The following CHSY3 variants were observed in gnomAD, a reference collection of about 807,000 sequenced individuals.
CHSY3 encodes the protein chondroitin sulfate synthase 3, also known as N-acetylgalactosaminyl-proteoglycan 3-beta-glucuronosyltransferase 3.
Under a neutral mutation model 67.2 loss-of-function variants are expected in CHSY3, and 35 were observed. The ratio of observed to expected loss-of-function variants is 0.52; its 90% CI spans 0.40 to 0.69. The LOEUF (loss-of-function observed/expected upper bound fraction) is 0.69, where lower values mean the gene tolerates loss of function less well. Ranked by LOEUF, CHSY3 falls within the 30% of genes least tolerant of loss-of-function variation. CHSY3 has a pLI of 0.00. For missense variants in CHSY3, 1,069 were observed against 1,138.5 expected (o/e 0.94, Z 0.88); for synonymous variants, 474 against 434.7 (o/e 1.09, Z -1.12).
At chr5:129,942,880 T>A (rs1761740197) in intron 2 of CHSY3, among the ~76,000 whole-genome samples, 1 of 152,194 alleles carries the variant, frequency 6.6e-6, no homozygotes, top group Non-Finnish European at 1.5e-5. Context: ...TGAGAATAGC[T>A]TTTATTGACT....
intron 2 of CHSY3, among the ~76,000 whole-genome samples, chr5:129,921,947 A>G (rs776575243): frequency 3.3e-5 from 5 of 152,064 alleles, no homozygotes; most frequent in Admixed American, 6.5e-5. Flanking sequence ...TACTCATTCT[A>G]TCTAACTGTA....
chr5:130,072,283 G>T (rs1387854337), intron 2 of CHSY3, among the ~76,000 whole-genome samples: 1 of 152,000 alleles, frequency 6.6e-6, no homozygotes, highest in East Asian at 1.9e-4. Context: ...TACAGTTTCA[G>T]GTCTTACATT....
intron 2 of CHSY3, among the ~76,000 whole-genome samples, chr5:130,014,109 C>A (rs1232091653): frequency 6.6e-6 from 1 of 152,218 alleles, no homozygotes; most frequent in Non-Finnish European, 1.5e-5. Flanking sequence ...CATCTGAGAA[C>A]ACCTCAACTT....
At chr5:130,098,423 C>A (rs1239226544) in intron 2 of CHSY3, among the ~76,000 whole-genome samples, 1 of 152,166 alleles carries the variant, frequency 6.6e-6, no homozygotes, top group African/African-American at 2.4e-5. Context: ...CTTGGTTTGG[C>A]TTCAGTGCCT....
At chr5:129,996,116 A>G (rs1279935781) in intron 2 of CHSY3, among the ~76,000 whole-genome samples, 1 of 152,204 alleles carries the variant, frequency 6.6e-6, no homozygotes, top group African/African-American at 2.4e-5. Context: ...CATCTTAAAA[A>G]TGGGGTAATA....
intron 2 of CHSY3, among the ~76,000 whole-genome samples, chr5:130,150,056 T>C (rs1769189728): frequency 6.6e-6 from 1 of 152,200 alleles, no homozygotes; most frequent in African/African-American, 2.4e-5. Flanking sequence ...ATCAGGGGTG[T>C]ATTTTGACAA....
intron 2 of CHSY3, among the ~76,000 whole-genome samples, chr5:130,011,938 A>G (rs1034945013): frequency 1.3e-5 from 2 of 152,206 alleles, no homozygotes; most frequent in Admixed American, 6.5e-5. Context: ...AGAATTACAA[A>G]ACACTGTCCA....
intron 2 of CHSY3, among the ~76,000 whole-genome samples, chr5:130,133,780 AAAAAAAAAAAAAAAAG>A (rs1383050768): frequency 1.6e-5 from 2 of 126,244 alleles, no homozygotes; most frequent in Middle Eastern, 4.0e-3. Flanking sequence ...TTAAAAAAAA[AAAAAAAAAAAAAAAAG>A]AAAAAAAAAA....
chr5:130,115,115 C>G (rs1217258500), intron 2 of CHSY3, among the ~76,000 whole-genome samples: 1 of 150,786 alleles, frequency 6.6e-6, no homozygotes, highest in Non-Finnish European at 1.5e-5. Flanking sequence ...AATTTTATTT[C>G]TTTTCTCAAA....
rs1308258241 is a variant in CHSY3, at chr5:130,184,852, T to G, written c.1710T>G (p.Pro570=). The G allele has an allele frequency of 6.2e-7, 1 of 1,605,902 alleles. No homozygotes were observed. Among genetic ancestry groups the G allele is most frequent in the Non-Finnish European group, 8.5e-7 (1 of 1,172,508 alleles). ...HAYLQQLFSK[P]FFRETEELDV... is the part of the protein sequence containing the mutation. ...ATCTTCAGCAGTTGTTCAGCAAGCCTTTCTTCAGAGAGACCGAAGAGCTAG... is the reference window on the plus strand; with the variant it reads ...ATCTTCAGCAGTTGTTCAGCAAGCCGTTCTTCAGAGAGACCGAAGAGCTAG... Residue 570 remains proline, a synonymous_variant, in exon 3 of 3, where the codon CCT becomes CCG. Coordinates refer to ENST00000305031, the MANE Select transcript of CHSY3 (RefSeq NM_175856.5).
intron 2 of CHSY3, among the ~76,000 whole-genome samples, chr5:130,145,355 A>G (rs781277091): frequency 1.3e-5 from 2 of 152,208 alleles, no homozygotes; most frequent in Admixed American, 1.3e-4. Flanking sequence ...AAGAGATAGT[A>G]TCTTCAATAA....
intron 2 of CHSY3, among the ~76,000 whole-genome samples, chr5:129,971,305 A>G (rs1762634346): frequency 6.6e-6 from 1 of 151,820 alleles, no homozygotes; most frequent in Non-Finnish European, 1.5e-5. Context: ...TTATTTTAAG[A>G]CAGATGCTGT....
chr5:129,910,779 T>A (rs1760511516), intron 2 of CHSY3, among the ~76,000 whole-genome samples: 3 of 151,998 alleles, frequency 2.0e-5, no homozygotes, highest in African/African-American at 7.2e-5. Context: ...TATGATACTG[T>A]TCATATTATA....
At position 130,176,601 on chromosome 5, in the gene CHSY3, CATCAGTG is replaced by C. The variant is rs569993382; in HGVS notation, c.1087-7625_1087-7619del. Among the ~76,000 whole-genome samples, 307 of 152,240 alleles carry C rather than the reference CATCAGTG, an allele frequency of 2.0e-3. 2 individuals carry two copies. The highest frequency in any genetic ancestry group is 6.9e-3 in the African/African-American group (285 of 41,540). On this transcript the variant is annotated intron_variant, in intron 2 of 2. Coordinates refer to ENST00000305031, the MANE Select transcript of CHSY3 (RefSeq NM_175856.5). ...GAGACTTGGAACCAACCCAAATGCC[CATCAGTG>C]ATAGACTAGATAAAGAAAATGTCAC...
intron 2 of CHSY3, among the ~76,000 whole-genome samples, chr5:129,951,045 C>T (rs1259929027): frequency 6.6e-6 from 1 of 152,100 alleles, no homozygotes; most frequent in Non-Finnish European, 1.5e-5. Flanking sequence ...AAAGCATACA[C>T]AAAGACCAAT....
At chr5:130,100,688 A>G (rs116692618) in intron 2 of CHSY3, among the ~76,000 whole-genome samples, 1,893 of 152,274 alleles carry the variant, frequency 0.012, 45 homozygotes, top group African/African-American at 0.042. Flanking sequence ...CGTGAATTCT[A>G]TCATTTAATC....
chr5:130,002,418 G>C (rs1002154309), intron 2 of CHSY3, among the ~76,000 whole-genome samples: 2 of 152,070 alleles, frequency 1.3e-5, no homozygotes, highest in African/African-American at 4.8e-5. Flanking sequence ...GCAGCACTTG[G>C]AGGCCTTATA....
intron 2 of CHSY3, among the ~76,000 whole-genome samples, chr5:130,058,998 A>G (rs1296899544): frequency 6.6e-6 from 1 of 152,060 alleles, no homozygotes; most frequent in Non-Finnish European, 1.5e-5. Context: ...GATTTTTTGT[A>G]TGGGTCAACT....
rs574175946 is a variant in CHSY3 at position 129,921,205 on chromosome 5, G to A, written c.1086+12845G>A. On this transcript the variant is annotated intron_variant, in intron 2 of 2. Transcript: ENST00000305031. The stretch of plus-strand genomic sequence containing the variant: ...TCTCTTTGGCATACCAAAATTGCCA[G>A]CATCGCTACTCTTGCACTTTGGGGC... Among the ~76,000 whole-genome samples the A allele has an allele frequency of 3.3e-5, 5 of 152,260 alleles. No individual in the cohort carries two copies. In the South Asian group the frequency reaches 1.0e-3, roughly 32 times the overall value.
Sources: allele counts gnomAD v4.1 joint callset (sites outside exome capture counted in the v4.1 genomes callset), GRCh38; gene constraint gnomAD v4.1.1; transcripts MANE v1.5; gene names NCBI Gene and HGNC (gene_info 2026-07-23, HGNC 2026-07-21).